Variants in MCC observed in about 807,000 individuals in gnomAD.
MCC encodes the protein MCC regulator of Wnt signaling pathway, also known as colorectal mutant cancer protein.
Under a neutral mutation model 116.2 loss-of-function variants are expected in MCC, and 90 were observed. The observed-to-expected ratio is 0.77, with a 90% confidence interval of 0.65 to 0.92. MCC has a LOEUF of 0.92. Among genes scored for constraint, MCC ranks in the 40% least tolerant of loss-of-function variants. The pLI, the probability that MCC is intolerant of heterozygous loss-of-function variation, is 0.00. For missense variants in MCC, 1,516 were observed against 1,312.2 expected, an observed-to-expected ratio of 1.16 and a Z score of -2.40; for synonymous variants, 578 against 510.5, an observed-to-expected ratio of 1.13 and a Z score of -1.78.
At chr5:113,421,227 G>T (rs36612) in intron 1 of MCC, among the ~76,000 whole-genome samples, 95,321 of 151,768 alleles carry the variant, frequency 0.63, 32,621 homozygotes, top group African/African-American at 0.91. Flanking sequence ...GGTTTCTCCA[G>T]GTTGTTCAGG....
intron 3 of MCC, among the ~76,000 whole-genome samples, chr5:113,241,555 G>C (rs1056605696): frequency 1.3e-5 from 2 of 152,322 alleles, no homozygotes; most frequent in East Asian, 3.9e-4. Flanking sequence ...TTTATTTAGA[G>C]AGAGATTGGA....
At chr5:113,148,979 C>G (rs1348711738) in intron 4 of MCC, among the ~76,000 whole-genome samples, 2 of 152,124 alleles carry the variant, frequency 1.3e-5, no homozygotes, top group African/African-American at 4.8e-5. Context: ...AAAAATTTTC[C>G]ATTATCCTCT....
chr5:113,344,587 G>A (rs1446429093), intron 2 of MCC, among the ~76,000 whole-genome samples: 1 of 151,768 alleles, frequency 6.6e-6, no homozygotes, highest in Non-Finnish European at 1.5e-5. Flanking sequence ...TTGCATCTTG[G>A]AAACCAGCTC....
At chr5:113,124,548 G>A (rs1356723800) in intron 5 of MCC, among the ~76,000 whole-genome samples, 1 of 152,192 alleles carries the variant, frequency 6.6e-6, no homozygotes, top group Non-Finnish European at 1.5e-5. Flanking sequence ...CTTAAACCTG[G>A]CTTGGCAGAT....
At position 113,024,983 on chromosome 5, in the gene MCC, G is replaced by T. The variant is rs1750429151; in HGVS notation, c.*2319C>A. ...GTCAGGTAGCATGAGTAAAACTGGG[G>T]CCCTTAACAGGAGCTGGAGCCGCCT... On this transcript the variant is annotated 3_prime_UTR_variant, in exon 19 of 19. Coordinates refer to ENST00000408903, the MANE Select transcript of MCC (RefSeq NM_001085377.2). The T allele has an allele frequency of 6.6e-6, 1 of 151,606 alleles. No individual in the cohort carries two copies. Among genetic ancestry groups the T allele is most frequent in the African/African-American group, 2.4e-5 (1 of 41,202 alleles). The allele number at this position is 151,606 out of a possible 1,614,324, so 9.4% of individuals were successfully genotyped here. A position where few individuals can be genotyped will look rare whatever the true frequency, so the allele number is the denominator to read the frequency against.
At chr5:113,153,695 C>T (rs1011748419) in intron 3 of MCC, among the ~76,000 whole-genome samples, 8 of 152,364 alleles carry the variant, frequency 5.3e-5, no homozygotes, top group African/African-American at 1.4e-4. Flanking sequence ...GGTGATGACA[C>T]ACTCTGGAAT....
intron 11 of MCC, among the ~76,000 whole-genome samples, chr5:113,073,936 G>C (rs1754230427): frequency 6.6e-6 from 1 of 152,232 alleles, no homozygotes; most frequent in Admixed American, 6.5e-5. Context: ...TGCCTCTGTA[G>C]ACTCCACCGC....
At chr5:113,122,117 C>T (rs1191592441) in intron 6 of MCC, among the ~76,000 whole-genome samples, 1 of 152,216 alleles carries the variant, frequency 6.6e-6, no homozygotes, top group African/African-American at 2.4e-5. Flanking sequence ...CAGTAGGTCA[C>T]ACCCTGCAGT....
intron 1 of MCC, among the ~76,000 whole-genome samples, chr5:113,459,190 G>A (rs1430025073): frequency 7.2e-6 from 1 of 138,122 alleles, no homozygotes; most frequent in Non-Finnish European, 1.5e-5. Context: ...AAGTGGGTGG[G>A]GGGGGGAGAG....
rs773196120 is a variant in MCC at position 113,084,123 on chromosome 5, C to A, written c.1613G>T (p.Gly538Val). Reference sequence around the variant, plus strand: ...CACCCCTATGCTACTGATTTCTGAGCCCAGGACTGGCCGATCAGATGATGA... The same window carrying A: ...CACCCCTATGCTACTGATTTCTGAGACCAGGACTGGCCGATCAGATGATGA... ...ESSSSDRPVL[G>V]SEISSIGVSS... The change falls in exon 10 of 19, where the codon GGC becomes GTC. Residue 538 changes from glycine (G) to valine (V), a missense_variant. Transcript: ENST00000408903. The A allele has an allele frequency of 6.2e-7, 1 of 1,614,006 alleles. No individual in the cohort carries two copies. The highest frequency in any genetic ancestry group is 1.3e-5 in the African/African-American group (1 of 74,922).
chr5:113,460,701 G>C (rs1771720212), intron 1 of MCC, among the ~76,000 whole-genome samples: 1 of 152,144 alleles, frequency 6.6e-6, no homozygotes, highest in African/African-American at 2.4e-5. Context: ...CCTTATAAAT[G>C]CAGTCTGTCA....
intron 3 of MCC, among the ~76,000 whole-genome samples, chr5:113,198,732 G>C (rs956698827): frequency 6.7e-6 from 1 of 150,068 alleles, no homozygotes; most frequent in Non-Finnish European, 1.5e-5. Flanking sequence ...AGAATTAACA[G>C]ACAGTATAGA....
chr5:113,046,756 G>A (rs1214527825), intron 16 of MCC, among the ~76,000 whole-genome samples: 2 of 141,594 alleles, frequency 1.4e-5, no homozygotes, highest in African/African-American at 5.2e-5. Context: ...ATCTTCCCGA[G>A]CCCCAGATAC....
In MCC at chr5:113,068,178, T is replaced by G. The variant is rs1294730159; in HGVS notation, c.1931A>C (p.Gln644Pro). 6.2e-7 allele frequency: 1 copy of G among 1,613,432 alleles called. No homozygotes were observed. Among genetic ancestry groups the G allele is most frequent in the African/African-American group, 1.3e-5 (1 of 74,886 alleles). Residue 644 changes from glutamine (Q) to proline (P), a missense_variant, in exon 13 of 19, where the codon CAG (glutamine) becomes CCG (proline). Transcript: ENST00000408903. ...GAGGAGTTCGTAGGCTTCGATGCAC[T>G]GCTCGCTGAAACAAAGCACATGGGG... is the stretch of plus-strand genomic sequence containing the variant. ...ALRLALQYSEQCIEAYELLLA... is the reference protein window; with the variant it reads ...ALRLALQYSEPCIEAYELLLA...
intron 3 of MCC, among the ~76,000 whole-genome samples, chr5:113,259,478 A>C (rs1765140717): frequency 6.6e-6 from 1 of 152,192 alleles, no homozygotes; most frequent in Non-Finnish European, 1.5e-5. Flanking sequence ...CACACCCCTA[A>C]GTCATTTAAC....
chr5:113,080,796 G>C (rs1412411835), intron 11 of MCC, among the ~76,000 whole-genome samples: 1 of 135,518 alleles, frequency 7.4e-6, no homozygotes, highest in African/African-American at 2.8e-5. Flanking sequence ...AGAACTTAAA[G>C]TATAATTAAC....
At chr5:113,458,963 G>T (rs954910700) in intron 1 of MCC, among the ~76,000 whole-genome samples, 3 of 152,142 alleles carry the variant, frequency 2.0e-5, no homozygotes, top group Non-Finnish European at 4.4e-5. Flanking sequence ...TTGTGGGAGA[G>T]TTATTGAGTA....
chr5:113,226,660 A>C (rs1763753795), intron 3 of MCC, among the ~76,000 whole-genome samples: 1 of 152,264 alleles, frequency 6.6e-6, no homozygotes. Flanking sequence ...CAGGAGCTTA[A>C]ATTAAGCTAA....
At chr5:113,466,646 G>A (rs984757547) in intron 1 of MCC, among the ~76,000 whole-genome samples, 10 of 151,978 alleles carry the variant, frequency 6.6e-5, no homozygotes, top group East Asian at 1.9e-4. Context: ...ATAAACATAC[G>A]TGTGCATGTG....
Sources: allele counts gnomAD v4.1 joint callset (sites outside exome capture counted in the v4.1 genomes callset), GRCh38; gene constraint gnomAD v4.1.1; transcripts MANE v1.5; gene names NCBI Gene and HGNC (gene_info 2026-07-23, HGNC 2026-07-21).